Variants in NMUR1 observed in about 807,000 individuals in gnomAD.
The protein encoded by NMUR1 is neuromedin-U receptor 1.
In NMUR1, 16 loss-of-function variants were observed where a neutral mutation model predicts 18.8. That is an observed-to-expected ratio of 0.85 (90% confidence interval 0.58 to 1.29). NMUR1 has a LOEUF of 1.29. Ranked by LOEUF, NMUR1 falls within the 50% of genes most tolerant of loss-of-function variation. NMUR1 has a pLI of 0.00. For synonymous variants in NMUR1, 258 were observed against 258.2 expected, an observed-to-expected ratio of 1.00 and a Z score of 0.01; for missense variants, 529 against 580.3, an observed-to-expected ratio of 0.91 and a Z score of 0.91.
Position 231,528,350 on chromosome 2 carries a change from G to A in NMUR1, c.671C>T (p.Pro224Leu). Reference protein sequence around the residue: ...PDSAVCMLVRPRALYNMVVQT... With the variant: ...PDSAVCMLVRLRALYNMVVQT... The stretch of plus-strand genomic sequence containing the variant: ...CACTACCATGTTGTAGAGGGCCCGT[G>A]GGCGGACCAGCATGCAAACAGCTGA... Residue 224 changes from proline (P) to leucine (L), a missense_variant, in exon 2 of 3, where the codon CCA becomes CTA. Physicochemically the swap from Pro to Leu is moderately conservative, Grantham distance 98. Transcript: ENST00000305141. 3 of 1,613,612 alleles carry A rather than the reference G, an allele frequency of 1.9e-6. No homozygotes were observed. Among genetic ancestry groups the A allele is most frequent in the Non-Finnish European group, 2.5e-6 (3 of 1,179,770 alleles).
chr2:231,520,176 A>G (rs935734019), downstream of NMUR1, among the ~76,000 whole-genome samples: 2 of 152,248 alleles, frequency 1.3e-5, no homozygotes, highest in Non-Finnish European at 2.9e-5. Flanking sequence ...TGGATAGATC[A>G]GTTAAGGTTC....
downstream of NMUR1, among the ~76,000 whole-genome samples, chr2:231,519,641 GTAAGGA>G (rs1295802075): frequency 6.6e-6 from 1 of 152,226 alleles, no homozygotes; most frequent in Non-Finnish European, 1.5e-5. Flanking sequence ...ATTCTGACAT[GTAAGGA>G]TAATTAGCAG....
At position 231,528,762 on chromosome 2, in the gene NMUR1, G is replaced by T. The variant is rs141558874; in HGVS notation, c.259C>A (p.Arg87Ser). Residue 87 changes from arginine to serine, a missense_variant, in exon 2 of 3, where the codon CGC becomes AGC. Transcript: ENST00000305141. ...GNGLTCLVIL[R>S]HKAMRTPTNY... ...GTAGGCGTGCGCATGGCCTTGTGGC[G>T]CAGGATGACCAGACAGGTCAGCCCA... 1 of 1,614,212 alleles carries T rather than the reference G, an allele frequency of 6.2e-7. No individual in the cohort carries two copies. The highest frequency in any genetic ancestry group is 8.5e-7 in the Non-Finnish European group (1 of 1,180,040).
At chr2:231,529,076 C>T (rs780358854) in intron 1 of NMUR1, 59 bp from the exon 2 acceptor site, 35 of 1,489,910 alleles carry the variant, frequency 2.3e-5, no homozygotes, top group Non-Finnish European at 3.1e-5. Context: ...TGGCTCTGTC[C>T]TCACTCATCA....
At position 231,528,764 on chromosome 2, in the gene NMUR1, A is replaced by G; in HGVS notation, c.257T>C (p.Leu86Pro). The G allele has an allele frequency of 6.2e-7, 1 of 1,614,230 alleles. No individual in the cohort carries two copies. Among genetic ancestry groups the G allele is most frequent in the Non-Finnish European group, 8.5e-7 (1 of 1,180,040 alleles). Residue 86 changes from leucine to proline, a missense_variant, in exon 2 of 3, where the codon CTG (leucine) becomes CCG (proline). Leu to Pro is a moderately conservative substitution (Grantham distance 98, BLOSUM62 -3). Coordinates refer to ENST00000305141, the MANE Select transcript of NMUR1 (RefSeq NM_006056.5). ...AGGCGTGCGCATGGCCTTGTGGCGC[A>G]GGATGACCAGACAGGTCAGCCCATT... Reference protein sequence around the residue: ...VGNGLTCLVILRHKAMRTPTN... With the variant: ...VGNGLTCLVIPRHKAMRTPTN...
downstream of NMUR1, among the ~76,000 whole-genome samples, chr2:231,522,052 T>C (rs2047309616): frequency 6.8e-6 from 1 of 147,134 alleles, no homozygotes; most frequent in African/African-American, 2.5e-5. Flanking sequence ...CAATTTTGGC[T>C]TACTGCAGCC....
In NMUR1 at chr2:231,528,255, G is replaced by A; in HGVS notation, c.766C>T (p.Leu256=). The A allele has an allele frequency of 6.2e-7, 1 of 1,614,014 alleles. No individual in the cohort carries two copies. Among genetic ancestry groups the A allele is most frequent in the South Asian group, 1.1e-5 (1 of 91,078 alleles). The change falls in exon 2 of 3, where the codon CTG becomes TTG. Residue 256 remains leucine (L), a synonymous_variant. Transcript: ENST00000305141. The part of the protein sequence containing the change: ...IMSVLYLLIG[L]RLRRERLLLM... ...AGCAGCCTCTCCCGCCGCAGTCGCA[G>A]CCCAATGAGCAGGTAGAGCACGCTC... is the stretch of plus-strand genomic sequence containing the variant.
At chr2:231,527,144 A>G (rs1312368216) in intron 2 of NMUR1, among the ~76,000 whole-genome samples, 1 of 151,578 alleles carries the variant, frequency 6.6e-6, no homozygotes, top group African/African-American at 2.4e-5. Flanking sequence ...CTCACTGTGT[A>G]GTTCCACTGG....
In NMUR1 at chr2:231,527,973, GACACAC is replaced by G. The variant is rs57357206; in HGVS notation, c.898+144_898+149del. 289 of 573,100 alleles carry G rather than the reference GACACAC, an allele frequency of 5.0e-4. 3 individuals are homozygous for G. The highest frequency in any genetic ancestry group is 4.1e-3 in the African/African-American group (221 of 53,266). The allele number at this position is 573,100 out of a possible 1,614,324, so 35.5% of individuals were successfully genotyped here. ...AAAGAGTACACAGGAGTGCAACTCA[GACACAC>G]ACACACACACACACACACACGAGAC... is the stretch of plus-strand genomic sequence containing the variant. On this transcript the variant is annotated intron_variant, in intron 2 of 2. Coordinates refer to ENST00000305141, the MANE Select transcript of NMUR1 (RefSeq NM_006056.5).
rs745406501 is a variant in NMUR1 at position 231,528,388 on chromosome 2, G to T, written c.633C>A (p.Gly211=). 4 of 1,613,576 alleles carry T rather than the reference G, an allele frequency of 2.5e-6. No homozygotes were observed. The South Asian group carries it at 3.3e-5, about 13-fold the overall frequency. The part of the protein sequence containing the change: ...GIRQLHVPCR[G]PVPDSAVCML... ...TGCAAACAGCTGAGTCTGGCACTGG[G>T]CCCCGGCAGGGCACGTGCAGCTGCC... The change falls in exon 2 of 3, where the codon GGC becomes GGA. Residue 211 remains glycine (G), a synonymous_variant. Coordinates refer to ENST00000305141, the MANE Select transcript of NMUR1 (RefSeq NM_006056.5).
In NMUR1 at chr2:231,524,045, G is replaced by C. The variant is rs1159924261; in HGVS notation, c.*998C>G. On this transcript the variant is annotated 3_prime_UTR_variant, in exon 3 of 3. Coordinates refer to ENST00000305141, the MANE Select transcript of NMUR1 (RefSeq NM_006056.5). ...CACTTGTGCTGGGAGAGGCTGGGGA[G>C]GGCATGGGGAGGTCAGGGAGGAAGT... The C allele has an allele frequency of 6.6e-6, 1 of 152,376 alleles. No homozygotes were observed. Among genetic ancestry groups the C allele is most frequent in the Non-Finnish European group, 1.5e-5 (1 of 68,102 alleles). The allele number at this position is 152,376 out of a possible 1,614,324, so 9.4% of individuals were successfully genotyped here. A position where few individuals can be genotyped will look rare whatever the true frequency, so the allele number is the denominator to read the frequency against.
chr2:231,530,415 A>T lies in NMUR1; in HGVS notation c.-54T>A. 1 of 1,463,662 alleles carries T rather than the reference A, an allele frequency of 6.8e-7. No homozygotes were observed. Among genetic ancestry groups the T allele is most frequent in the Non-Finnish European group, 9.0e-7 (1 of 1,114,904 alleles). The allele number at this position is 1,463,662 out of a possible 1,614,324, so 90.7% of individuals were successfully genotyped here. A position where few individuals can be genotyped will look rare whatever the true frequency, so the allele number is the denominator to read the frequency against. Reference sequence around the variant, plus strand: ...TCCACCCTCCGAGCGACGGACACAGACGCGGCGCGGGAGCCAGTGGACTGA... The same window carrying T: ...TCCACCCTCCGAGCGACGGACACAGTCGCGGCGCGGGAGCCAGTGGACTGA... On this transcript the variant is annotated 5_prime_UTR_variant, in exon 1 of 3. Transcript: ENST00000305141.
chr2:231,524,981 G>T lies in NMUR1; in HGVS notation c.*62C>A. 1 of 1,502,254 alleles carries T rather than the reference G, an allele frequency of 6.7e-7. No homozygotes were observed. The highest frequency in any genetic ancestry group is 8.8e-7 in the Non-Finnish European group (1 of 1,132,074). 93.1% of individuals were successfully genotyped at this position (1,502,254 alleles called of 1,614,324 possible). ...GGCATCCCTGCAGAGGAAGGCAGAT[G>T]TGTCTCCCCAGCTCCAGGTGACCCT... On this transcript the variant is annotated 3_prime_UTR_variant, in exon 3 of 3. Transcript: ENST00000305141.
At chr2:231,525,939 CAT>C (rs1483078239) in intron 2 of NMUR1, among the ~76,000 whole-genome samples, 1 of 150,580 alleles carries the variant, frequency 6.6e-6, no homozygotes, top group Non-Finnish European at 1.5e-5. Context: ...CACACACACA[CAT>C]GCATGCACAC....
At chr2:231,529,082 C>A in intron 1 of NMUR1, 65 bp from the exon 2 acceptor site, 1 of 1,463,816 alleles carries the variant, frequency 6.8e-7, no homozygotes, top group East Asian at 2.4e-5. Context: ...TGTCCTCACT[C>A]ATCAAGCCAA....
In NMUR1 at chr2:231,528,169, C is replaced by A. The variant is rs1187373483; in HGVS notation, c.852G>T (p.Arg284Ser). The change falls in exon 2 of 3, where the codon AGG (arginine) becomes AGT (serine). Residue 284 changes from arginine to serine, a missense_variant. Physicochemically the swap from Arg to Ser is moderately radical, Grantham distance 110. Coordinates refer to ENST00000305141, the MANE Select transcript of NMUR1 (RefSeq NM_006056.5). Reference protein sequence around the residue: ...SAAARSRYTCRLQQHDRGRRQ... With the variant: ...SAAARSRYTCSLQQHDRGRRQ... ...TCCGGCCCCGATCGTGCTGCTGGAG[C>A]CTGCAGGTGTATCTGGACCTGGCTG... 6.3e-7 allele frequency: 1 copy of A among 1,580,238 alleles called. No individual in the cohort carries two copies. The highest frequency in any genetic ancestry group is 8.6e-7 in the Non-Finnish European group (1 of 1,161,732).
At position 231,528,738 on chromosome 2, in the gene NMUR1, T is replaced by C. The variant is rs1011013970; in HGVS notation, c.283A>G (p.Thr95Ala). The C allele has an allele frequency of 1.1e-5, 17 of 1,614,102 alleles. No individual in the cohort carries two copies. The African/African-American group carries it at 1.7e-4, about 16-fold the overall frequency. Reference protein sequence around the residue: ...ILRHKAMRTPTNYYLFSLAVS... With the variant: ...ILRHKAMRTPANYYLFSLAVS... Reference sequence around the variant, plus strand: ...GCCAGGCTGAAGAGGTAGTAGTTGGTAGGCGTGCGCATGGCCTTGTGGCGC... The same window carrying C: ...GCCAGGCTGAAGAGGTAGTAGTTGGCAGGCGTGCGCATGGCCTTGTGGCGC... Residue 95 changes from threonine (T) to alanine (A), a missense_variant, in exon 2 of 3, where the codon ACC becomes GCC. Physicochemically the swap from Thr to Ala is moderately conservative, Grantham distance 58 (BLOSUM62 0). Transcript: ENST00000305141.
chr2:231,530,440 A>C lies in NMUR1; in HGVS notation c.-79T>G. On this transcript the variant is annotated 5_prime_UTR_variant, in exon 1 of 3. Coordinates refer to ENST00000305141, the MANE Select transcript of NMUR1 (RefSeq NM_006056.5). ...ACGCGGCGCGGGAGCCAGTGGACTG[A>C]CTGACAGCGGCCCCAGCCCGCGCCC... The C allele has an allele frequency of 7.2e-7, 1 of 1,395,982 alleles. No homozygotes were observed. The highest frequency in any genetic ancestry group is 9.3e-7 in the Non-Finnish European group (1 of 1,078,262). 86.5% of individuals were successfully genotyped at this position (1,395,982 alleles called of 1,614,324 possible). A position where few individuals can be genotyped will look rare whatever the true frequency, so the allele number is the denominator to read the frequency against.
intron 1 of NMUR1, 51 bp from the exon 2 acceptor site, chr2:231,529,068 G>A: frequency 6.6e-7 from 1 of 1,517,922 alleles, no homozygotes; most frequent in Non-Finnish European, 8.9e-7. Flanking sequence ...GGGAATGCTG[G>A]CTCTGTCCTC....
Sources: gnomAD v4.1 joint callset for allele counts (sites outside exome capture counted in the v4.1 genomes callset) on GRCh38, gnomAD v4.1.1 for gene constraint, MANE v1.5 for transcripts, NCBI Gene and HGNC (gene_info 2026-07-23, HGNC 2026-07-21) for gene names.